The following TFB1M variants were observed in gnomAD, a reference collection of about 807,000 sequenced individuals.
The protein encoded by TFB1M is transcription factor B1, mitochondrial.
In TFB1M, 27 loss-of-function variants were observed where a neutral mutation model predicts 31.1. The observed-to-expected ratio is 0.87, with a 90% CI of 0.64 to 1.20. The LOEUF is 1.20. TFB1M is among the 50% of genes most tolerant of loss of function. The pLI is 0.00. For synonymous variants in TFB1M, 166 were observed against 151.8 expected (o/e 1.09, Z -0.69); for missense variants, 394 against 418.7 (o/e 0.94, Z 0.51).
the TFB1M span, among the ~76,000 whole-genome samples, chr6:155,243,405 C>T: frequency 6.6e-6 from 1 of 152,102 alleles, no homozygotes; most frequent in African/African-American, 2.4e-5. Flanking sequence ...CTGCAGTGGC[C>T]TGAAGAAAGG....
Position 155,311,186 on chromosome 6 carries a change from A to T in TFB1M, c.285+2T>A, listed in dbSNP as rs769323100. The T allele has an allele frequency of 1.9e-6, 3 of 1,613,930 alleles. No individual in the cohort carries two copies. The highest frequency in any genetic ancestry group is 2.5e-6 in the Non-Finnish European group (3 of 1,179,836). ...CTAAAGCAGACACTTTAAGCATCTC[A>T]CCTGTAATCCAGGAATAAATCGAGT... On this transcript the variant is annotated splice_donor_variant, in intron 2 of 6. Transcript: ENST00000367166. LOFTEE classifies it high-confidence loss of function.
At chr6:155,273,428 T>G (rs1785032396) in intron 5 of TFB1M, among the ~76,000 whole-genome samples, 1 of 152,212 alleles carries the variant, frequency 6.6e-6, no homozygotes, top group Admixed American at 6.5e-5. Context: ...CTATGCAAAG[T>G]TTATACTTTA....
chr6:155,314,394 A>G lies in TFB1M; in HGVS notation c.35T>C (p.Leu12Pro). The change falls in exon 1 of 7, where the codon CTC (leucine) becomes CCC (proline). Residue 12 changes from leucine to proline, a missense_variant. Leu to Pro is a moderately conservative substitution (Grantham distance 98). Around this residue, in one of 3 missense-constraint regions of TFB1M, gnomAD observed 273 missense variants for 256.4 expected, o/e 1.06. Transcript: ENST00000367166. ...AASGKLSTCR[L>P]PPLPTIREII... Reference sequence around the variant, plus strand: ...TTCTCGAATCGTGGGCAACGGAGGGAGACGGCAAGTGCTGAGTTTTCCGGA... The same window carrying G: ...TTCTCGAATCGTGGGCAACGGAGGGGGACGGCAAGTGCTGAGTTTTCCGGA... 3 of 1,614,162 alleles carry G rather than the reference A, an allele frequency of 1.9e-6. No individual in the cohort carries two copies. The highest frequency in any genetic ancestry group is 1.7e-6 in the Non-Finnish European group (2 of 1,180,008).
chr6:155,268,476 A>G (rs918791162), intron 5 of TFB1M, among the ~76,000 whole-genome samples: 27 of 152,322 alleles, frequency 1.8e-4, no homozygotes, highest in African/African-American at 6.0e-4. Context: ...GCTCTATGAA[A>G]AGGTGTGGTA....
At chr6:155,254,202 G>T, downstream of TFB1M, 1 of 996,578 alleles carries the variant, frequency 1.0e-6, no homozygotes, top group Admixed American at 2.7e-5. Context: ...AACTGAGGCC[G>T]CTAGTAGGAG....
intron 2 of TFB1M, chr6:155,310,963 T>C (rs1777990389): frequency 5.3e-6 from 3 of 561,364 alleles, no homozygotes; most frequent in Non-Finnish European, 9.5e-6. Context: ...TTAAAGCAGG[T>C]TTTTTTCAAG....
intron 2 of TFB1M, among the ~76,000 whole-genome samples, chr6:155,304,669 A>G (rs1420055617): frequency 2.0e-5 from 3 of 152,112 alleles, no homozygotes; most frequent in African/African-American, 7.2e-5. Flanking sequence ...GTAAGGATGA[A>G]AAAAGATTTG....
intron 2 of TFB1M, among the ~76,000 whole-genome samples, chr6:155,305,569 T>A (rs1282205668): frequency 2.0e-5 from 1 of 50,220 alleles, no homozygotes; most frequent in Non-Finnish European, 3.1e-5. Context: ...AATTATATAT[T>A]TATATATATA....
intron 4 of TFB1M, among the ~76,000 whole-genome samples, chr6:155,286,649 G>GTA (rs34768204): frequency 6.2e-4 from 87 of 139,208 alleles, no homozygotes; most frequent in Middle Eastern, 3.8e-3. Context: ...GTGTGTGTGT[G>GTA]TATATATATA....
chr6:155,300,552 AAAAC>A (rs1777379095), intron 2 of TFB1M, among the ~76,000 whole-genome samples: 1 of 152,230 alleles, frequency 6.6e-6, no homozygotes, highest in African/African-American at 2.4e-5. Context: ...TCACAAAGTT[AAAAC>A]AAATTAGCAC....
chr6:155,258,235 C>G (rs1032012236), intron 6 of TFB1M, among the ~76,000 whole-genome samples, 153 bp from the exon 7 acceptor site: 1 of 152,282 alleles, frequency 6.6e-6, no homozygotes, highest in African/African-American at 2.4e-5. Flanking sequence ...TTATATAGCA[C>G]CAGATAAGAG....
intron 5 of TFB1M, among the ~76,000 whole-genome samples, chr6:155,266,360 G>C (rs1291191558): frequency 6.6e-6 from 1 of 152,150 alleles, no homozygotes; most frequent in Non-Finnish European, 1.5e-5. Flanking sequence ...GAGAATCACA[G>C]GTTTGGGGAA....
Position 155,305,606 on chromosome 6 carries a change from T to TATATTAAATTTATATTTATATATATAA in TFB1M, c.285+5581_285+5582insTTATATATATAAATATAAATTTAATAT, listed in dbSNP as rs1562425850. 2.6e-3 allele frequency among the ~76,000 whole-genome samples: 30 copies of TATATTAAATTTATATTTATATATATAA among 11,664 alleles called. 5 individuals are homozygous for TATATTAAATTTATATTTATATATATAA. Among genetic ancestry groups the TATATTAAATTTATATTTATATATATAA allele is most frequent in the African/African-American group, 0.014 (26 of 1,914 alleles). 7.7% of individuals were successfully genotyped at this position (11,664 alleles called of 152,430 possible). A position where few individuals can be genotyped will look rare whatever the true frequency, so the allele number is the denominator to read the frequency against. ...TAAATTATATATTTATATATAAATA[T>TATATTAAATTTATATTTATATATATAA]ATATATATTAAATTATATATTTATA... On this transcript the variant is annotated intron_variant, in intron 2 of 6. Transcript: ENST00000367166.
intron 5 of TFB1M, among the ~76,000 whole-genome samples, chr6:155,270,293 C>T (rs1043200440): frequency 1.1e-4 from 16 of 152,142 alleles, no homozygotes; most frequent in African/African-American, 3.9e-4. Flanking sequence ...CTTGGGAGTT[C>T]AGGGGAGAGG....
chr6:155,242,132 C>T, the TFB1M span, among the ~76,000 whole-genome samples: 2 of 152,096 alleles, frequency 1.3e-5, no homozygotes, highest in South Asian at 2.1e-4. Context: ...TTCTTAGGGC[C>T]CCCCTGGGTT....
At chr6:155,248,225 C>T in the TFB1M span, 49 of 1,571,546 alleles carry the variant, frequency 3.1e-5, no homozygotes, top group South Asian at 2.3e-4. Flanking sequence ...CACAGGGCGG[C>T]GAGGGGCTGC....
chr6:155,251,141 TG>T (rs915098268), downstream of TFB1M: 2 of 834,338 alleles, frequency 2.4e-6, no homozygotes, highest in African/African-American at 3.4e-5. Flanking sequence ...CTATAATGGT[TG>T]GGGACTTAAC....
At chr6:155,306,849 G>A (rs768789444) in intron 2 of TFB1M, among the ~76,000 whole-genome samples, 8 of 152,168 alleles carry the variant, frequency 5.3e-5, no homozygotes, top group East Asian at 1.9e-4. Flanking sequence ...AACTGGACGC[G>A]GTGGCTCTTG....
intron 5 of TFB1M, among the ~76,000 whole-genome samples, chr6:155,270,875 G>C (rs1784887050): frequency 6.6e-6 from 1 of 152,104 alleles, no homozygotes; most frequent in Admixed American, 6.5e-5. Flanking sequence ...ACTTCTTCCA[G>C]TATTTATTTA....
Sources: gnomAD v4.1 joint callset for allele counts (sites outside exome capture counted in the v4.1 genomes callset) on GRCh38, gnomAD v4.1.1 for gene constraint, gnomAD v4.1.1 regional missense constraint, MANE v1.5 for transcripts, NCBI Gene and HGNC (gene_info 2026-07-23, HGNC 2026-07-21) for gene names.